LMCD1: variants seen among roughly 807,000 people sequenced by gnomAD.
The protein encoded by LMCD1 is LIM and cysteine-rich domains protein 1.
Under a neutral mutation model 42.7 loss-of-function variants are expected in LMCD1, and 32 were observed. The ratio of observed to expected loss-of-function variants is 0.75; its 90% confidence interval spans 0.57 to 1.01. The LOEUF (loss-of-function observed/expected upper bound fraction) is 1.01, where lower values mean the gene tolerates loss of function less well. Ranked by LOEUF, LMCD1 falls within the 50% of genes least tolerant of loss-of-function variation. LMCD1 has a pLI of 0.00. For missense variants in LMCD1, 458 were observed against 483.1 expected (o/e 0.95, Z 0.49); for synonymous variants, 178 against 184.9 (o/e 0.96, Z 0.30).
At chr3:8,529,761 C>T (rs1191828515) in intron 1 of LMCD1, among the ~76,000 whole-genome samples, 2 of 152,044 alleles carry the variant, frequency 1.3e-5, no homozygotes, top group African/African-American at 4.8e-5. Context: ...CTCTGAAGTC[C>T]CCTAGCATTT....
Position 8,529,993 on chromosome 3 carries a change from T to G in LMCD1, c.43-2744T>G, listed in dbSNP as rs527256870. 5.9e-5 allele frequency among the ~76,000 whole-genome samples: 9 copies of G among 152,302 alleles called. No homozygotes were observed. In the South Asian group the frequency reaches 1.9e-3, roughly 32 times the overall value. Reference sequence around the variant, plus strand: ...AGGTCATGGAACTCAACAAGCCTACTTGCCCAAGTACAGTGGAGGAAAGGG... The same window carrying G: ...AGGTCATGGAACTCAACAAGCCTACGTGCCCAAGTACAGTGGAGGAAAGGG... On this transcript the variant is annotated intron_variant, in intron 1 of 5. Transcript: ENST00000157600.
intron 4 of LMCD1, among the ~76,000 whole-genome samples, chr3:8,561,981 T>C (rs1379650045): frequency 2.6e-5 from 4 of 152,182 alleles, no homozygotes; most frequent in Admixed American, 6.5e-5. Flanking sequence ...AAGTTATAAA[T>C]GTGCGATGGA....
intron 4 of LMCD1, among the ~76,000 whole-genome samples, chr3:8,556,405 T>C (rs1475749999): frequency 6.7e-6 from 1 of 148,658 alleles, no homozygotes; most frequent in Non-Finnish European, 1.5e-5. Context: ...TTTTCAGGAG[T>C]GTGTGTGTGT....
intron 4 of LMCD1, among the ~76,000 whole-genome samples, chr3:8,553,443 T>C (rs1694874891): frequency 6.6e-6 from 1 of 152,218 alleles, no homozygotes; most frequent in African/African-American, 2.4e-5. Flanking sequence ...AGGGGCCATG[T>C]TCTGAGTGAG....
chr3:8,563,918 A>C (rs1410182424), intron 4 of LMCD1, among the ~76,000 whole-genome samples: 3 of 152,192 alleles, frequency 2.0e-5, no homozygotes, highest in Admixed American at 1.3e-4. Flanking sequence ...GCAAATCCCA[A>C]CTGAGGGACA....
intron 3 of LMCD1, among the ~76,000 whole-genome samples, chr3:8,546,800 G>A (rs955672645): frequency 1.3e-5 from 2 of 152,158 alleles, no homozygotes; most frequent in Non-Finnish European, 2.9e-5. Flanking sequence ...TCAATTGTGG[G>A]GCCAGTGAGA....
chr3:8,552,134 G>A (rs1260770039), intron 4 of LMCD1, among the ~76,000 whole-genome samples: 1 of 152,186 alleles, frequency 6.6e-6, no homozygotes, highest in African/African-American at 2.4e-5. Flanking sequence ...CAGCAAGTCC[G>A]TGGGCATTGC....
intron 1 of LMCD1, among the ~76,000 whole-genome samples, chr3:8,502,312 A>T (rs779440): frequency 0.59 from 11,231 of 18,994 alleles, 3,416 homozygotes; most frequent in Middle Eastern, 0.62. Flanking sequence ...ATAATATATA[A>T]AATATATATT....
chr3:8,546,132 CA>C (rs976958953), intron 3 of LMCD1, among the ~76,000 whole-genome samples: 1 of 150,646 alleles, frequency 6.6e-6, no homozygotes, highest in Non-Finnish European at 1.5e-5. Context: ...GACTCTGTCT[CA>C]AAAAAACAAA....
chr3:8,558,337 T>C (rs979011960), intron 4 of LMCD1, among the ~76,000 whole-genome samples: 4 of 152,340 alleles, frequency 2.6e-5, no homozygotes, highest in Admixed American at 2.6e-4. Flanking sequence ...AGGCAGGTGT[T>C]TACAAATTGC....
intron 2 of LMCD1, among the ~76,000 whole-genome samples, chr3:8,533,798 C>T (rs1289494842): frequency 6.6e-6 from 1 of 152,094 alleles, no homozygotes; most frequent in South Asian, 2.1e-4. Context: ...GAACTCAGAT[C>T]TGCATGAATC....
chr3:8,540,493 C>T (rs1694602771), intron 3 of LMCD1, among the ~76,000 whole-genome samples: 1 of 152,186 alleles, frequency 6.6e-6, no homozygotes. Flanking sequence ...AGCCCAATGT[C>T]CCACAGCCGA....
At position 8,535,616 on chromosome 3, in the gene LMCD1, A is replaced by G. The variant is rs140609452; in HGVS notation, c.132-1569A>G. Among the ~76,000 whole-genome samples, 475 of 152,292 alleles carry G rather than the reference A, an allele frequency of 3.1e-3. 4 individuals are homozygous for G. The highest frequency in any genetic ancestry group is 0.02 in the Middle Eastern group (6 of 294). On this transcript the variant is annotated intron_variant, in intron 2 of 5. Coordinates refer to ENST00000157600, the MANE Select transcript of LMCD1 (RefSeq NM_014583.4). The stretch of plus-strand genomic sequence containing the variant: ...ACCACTAAGCACCAAGCCTTTTTCT[A>G]TGTACCACATACTAATCTCCTGGAG...
chr3:8,528,708 C>G (rs1216993194), intron 1 of LMCD1, among the ~76,000 whole-genome samples: 5 of 152,094 alleles, frequency 3.3e-5, no homozygotes, highest in African/African-American at 1.2e-4. Flanking sequence ...TTCCCAGTTG[C>G]ATTTTCTCTT....
intron 3 of LMCD1, among the ~76,000 whole-genome samples, chr3:8,545,178 T>C (rs887795177): frequency 3.3e-5 from 5 of 152,222 alleles, no homozygotes; most frequent in Non-Finnish European, 1.5e-5. Flanking sequence ...TCCATAATGA[T>C]TTAATTATAC....
chr3:8,552,656 A>G (rs1051034456), intron 4 of LMCD1, among the ~76,000 whole-genome samples: 2 of 152,182 alleles, frequency 1.3e-5, no homozygotes, highest in Admixed American at 6.5e-5. Flanking sequence ...GATATCACCA[A>G]TTTGGCCTAT....
intron 1 of LMCD1, among the ~76,000 whole-genome samples, chr3:8,502,456 C>A (rs1693778589): frequency 8.5e-6 from 1 of 118,102 alleles, no homozygotes; most frequent in Non-Finnish European, 1.7e-5. Context: ...GGAAAAACCC[C>A]TAGCTTCCTC....
intron 3 of LMCD1, among the ~76,000 whole-genome samples, chr3:8,540,152 G>A (rs1427678996): frequency 1.3e-5 from 2 of 152,092 alleles, no homozygotes; most frequent in East Asian, 1.9e-4. Flanking sequence ...AACACCGCAT[G>A]TTCTCACTCA....
intron 4 of LMCD1, chr3:8,550,345 G>A (rs914414794): frequency 1.4e-5 from 14 of 992,924 alleles, no homozygotes; most frequent in Non-Finnish European, 1.7e-5. Context: ...CCCAGCACAC[G>A]AGATCCCCAA....
Sources: allele counts gnomAD v4.1 joint callset (sites outside exome capture counted in the v4.1 genomes callset), GRCh38; gene constraint gnomAD v4.1.1; transcripts MANE v1.5; gene names NCBI Gene and HGNC (gene_info 2026-07-23, HGNC 2026-07-21).